Variants in DAB1 observed in about 807,000 individuals in gnomAD.
The protein encoded by DAB1 is DAB adaptor protein 1, also known as disabled homolog 1.
DAB1 carries 15 observed loss-of-function variants against 64.6 expected under a neutral mutation model. The ratio of observed to expected loss-of-function variants is 0.23; its 90% CI spans 0.16 to 0.36. The LOEUF (loss-of-function observed/expected upper bound fraction) is 0.36, where lower values mean the gene tolerates loss of function less well. DAB1 is among the 10% of genes least tolerant of loss of function. The probability of loss-of-function intolerance (pLI) is 1.00; values close to 1 mark genes in which losing one functional copy is unlikely to be tolerated. For missense variants in DAB1, 596 were observed against 706.7 expected (o/e 0.84, Z 1.78); for synonymous variants, 235 against 251.9 (o/e 0.93, Z 0.64).
At chr1:57,428,587 G>A (rs56032908), upstream of DAB1, among the ~76,000 whole-genome samples, 23,705 of 152,000 alleles carry the variant, frequency 0.16, 1,968 homozygotes, top group African/African-American at 0.2. Context: ...GGGCGGTTCC[G>A]TATCTTGGCT....
intron 7 of DAB1, among the ~76,000 whole-genome samples, chr1:57,474,743 C>A (rs1643913770): frequency 6.6e-6 from 1 of 152,104 alleles, no homozygotes; most frequent in Admixed American, 6.5e-5. Flanking sequence ...TATCCTGAAA[C>A]CTTAGTGTTT....
rs79581135 is a variant in DAB1, at chr1:57,328,144, C to T, written c.-136-36978G>A. On this transcript the variant is annotated intron_variant, in intron 1 of 14. Transcript: ENST00000371236. ...CTCGCAGCTGCCACCTAGCTAGTAG[C>T]ATAAAGCAAATCCACCTAGCTTCTG... is the stretch of plus-strand genomic sequence containing the variant. Among the ~76,000 whole-genome samples the T allele has an allele frequency of 4.0e-3, 605 of 152,288 alleles. 3 individuals are homozygous for T. The highest frequency in any genetic ancestry group is 0.014 in the African/African-American group (563 of 41,556).
At chr1:57,309,689 T>C (rs1236172429) in intron 1 of DAB1, among the ~76,000 whole-genome samples, 1 of 152,108 alleles carries the variant, frequency 6.6e-6, no homozygotes, top group Non-Finnish European at 1.5e-5. Flanking sequence ...GGCAAATTAA[T>C]TTCTAGTAAA....
At chr1:58,112,962 G>A (rs978417161) in intron 5 of DAB1, among the ~76,000 whole-genome samples, 1 of 152,136 alleles carries the variant, frequency 6.6e-6, no homozygotes, top group Non-Finnish European at 1.5e-5. Flanking sequence ...GAAGATGAAT[G>A]GATAGAATGT....
At chr1:57,601,790 AT>A (rs1340020545) in intron 7 of DAB1, among the ~76,000 whole-genome samples, 1 of 152,154 alleles carries the variant, frequency 6.6e-6, no homozygotes, top group African/African-American at 2.4e-5. Flanking sequence ...ATTGATAAGT[AT>A]TTGTTAATTA....
intron 2 of DAB1, among the ~76,000 whole-genome samples, chr1:57,220,226 T>C (rs953158788): frequency 6.6e-6 from 1 of 152,204 alleles, no homozygotes; most frequent in African/African-American, 2.4e-5. Flanking sequence ...CTGGTGGTCA[T>C]CTTGCTATAA....
At chr1:57,348,947 G>T (rs963753994) in intron 1 of DAB1, among the ~76,000 whole-genome samples, 8 of 152,108 alleles carry the variant, frequency 5.3e-5, no homozygotes, top group Non-Finnish European at 1.2e-4. Flanking sequence ...TAAGAGGTGG[G>T]TCCAGCCATC....
intron 6 of DAB1, among the ~76,000 whole-genome samples, chr1:57,786,253 C>G (rs373482088): frequency 2.6e-5 from 4 of 152,162 alleles, no homozygotes; most frequent in Admixed American, 1.3e-4. Context: ...ATTCATGACT[C>G]TCTTTACTGA....
chr1:57,583,598 C>T (rs12083422), intron 7 of DAB1, among the ~76,000 whole-genome samples: 5,462 of 152,098 alleles, frequency 0.036, 281 homozygotes, highest in African/African-American at 0.12. Context: ...TTTCCTCTTA[C>T]ATTAAATGAT....
At chr1:57,212,200 G>A (rs1467511237) in intron 2 of DAB1, among the ~76,000 whole-genome samples, 1 of 152,024 alleles carries the variant, frequency 6.6e-6, no homozygotes, top group Admixed American at 6.6e-5. Flanking sequence ...GGGATACCTA[G>A]CCCATCCCCC....
intron 4 of DAB1, among the ~76,000 whole-genome samples, chr1:57,125,437 A>G (rs1029055281): frequency 3.9e-5 from 6 of 152,194 alleles, no homozygotes; most frequent in Non-Finnish European, 7.3e-5. Flanking sequence ...AAGATATTAT[A>G]CTTCTTCTAT....
At chr1:57,282,881 C>A (rs1163444423) in intron 2 of DAB1, among the ~76,000 whole-genome samples, 1 of 152,160 alleles carries the variant, frequency 6.6e-6, no homozygotes, top group East Asian at 1.9e-4. Flanking sequence ...AGAACAGCAC[C>A]ATAAATTTAC....
chr1:57,011,488 T>C (rs1307489059), intron 12 of DAB1, among the ~76,000 whole-genome samples: 1 of 152,174 alleles, frequency 6.6e-6, no homozygotes, highest in African/African-American at 2.4e-5. Context: ...TCCACACTGA[T>C]AGGTAAGGCA....
Position 57,291,114 on chromosome 1 carries a change from T to C in DAB1, c.-84A>G. ...GACTCTTCTCCAAGAGAAAGACTCC[T>C]CCCTTCAGAAATGACACTCTGAGCT... On this transcript the variant is annotated 5_prime_UTR_variant, in exon 2 of 15. Transcript: ENST00000371236. 1.2e-6 allele frequency: 1 copy of C among 847,088 alleles called. No individual in the cohort carries two copies. The highest frequency in any genetic ancestry group is 1.9e-6 in the Non-Finnish European group (1 of 533,098). The allele number at this position is 847,088 out of a possible 1,614,324, so 52.5% of individuals were successfully genotyped here. A position where few individuals can be genotyped will look rare whatever the true frequency, so the allele number is the denominator to read the frequency against.
At chr1:57,762,225 G>A (rs993776910) in intron 6 of DAB1, among the ~76,000 whole-genome samples, 1 of 152,054 alleles carries the variant, frequency 6.6e-6, no homozygotes, top group African/African-American at 2.4e-5. Context: ...GGTTTGCTGG[G>A]TCCTTAAAAA....
At chr1:57,063,954 T>C (rs1446701507) in intron 8 of DAB1, among the ~76,000 whole-genome samples, 1 of 152,186 alleles carries the variant, frequency 6.6e-6, no homozygotes, top group Non-Finnish European at 1.5e-5. Flanking sequence ...AGCAGTGGTT[T>C]TATAATGGTC....
At chr1:57,676,696 C>G (rs1424762708) in intron 6 of DAB1, among the ~76,000 whole-genome samples, 1 of 152,160 alleles carries the variant, frequency 6.6e-6, no homozygotes, top group Non-Finnish European at 1.5e-5. Context: ...TCATTTTCTA[C>G]CATTACTCAC....
chr1:58,119,440 T>G (rs1180565268), intron 5 of DAB1, among the ~76,000 whole-genome samples: 1 of 152,176 alleles, frequency 6.6e-6, no homozygotes, highest in Non-Finnish European at 1.5e-5. Context: ...CAGGGGGTAT[T>G]ATGTAATAAG....
intron 7 of DAB1, among the ~76,000 whole-genome samples, chr1:57,444,771 T>C (rs1235528976): frequency 2.6e-5 from 4 of 152,194 alleles, no homozygotes; most frequent in Non-Finnish European, 5.9e-5. Context: ...AATTCTCCCG[T>C]AGAGCTTTCA....
Sources: allele counts gnomAD v4.1 joint callset (sites outside exome capture counted in the v4.1 genomes callset), GRCh38; gene constraint gnomAD v4.1.1; transcripts MANE v1.5; gene names NCBI Gene and HGNC (gene_info 2026-07-23, HGNC 2026-07-21).